PTPRK: variants seen among roughly 807,000 people sequenced by gnomAD.
PTPRK encodes receptor-type tyrosine-protein phosphatase kappa.
Under a neutral mutation model 178.0 loss-of-function variants are expected in PTPRK, and 75 were observed. That is an observed-to-expected ratio of 0.42 (90% confidence interval 0.35 to 0.51). The LOEUF (loss-of-function observed/expected upper bound fraction) is 0.51, where lower values mean the gene tolerates loss of function less well. Among genes scored for constraint, PTPRK ranks in the 20% least tolerant of loss-of-function variants. PTPRK has a pLI of 0.02. For synonymous variants in PTPRK, 637 were observed against 620.6 expected (o/e 1.03, Z -0.39); for missense variants, 1,441 against 1,797.8 (o/e 0.80, Z 3.59).
chr6:128,146,402 GTGTT>G (rs966941094), intron 7 of PTPRK, among the ~76,000 whole-genome samples: 2 of 151,164 alleles, frequency 1.3e-5, no homozygotes, highest in African/African-American at 4.9e-5. Flanking sequence ...GTTTGTGTGT[GTGTT>G]TATGTGTGTG....
At chr6:128,131,940 A>G (rs896768339) in intron 7 of PTPRK, among the ~76,000 whole-genome samples, 1 of 152,162 alleles carries the variant, frequency 6.6e-6, no homozygotes, top group African/African-American at 2.4e-5. Context: ...TAGTTTGTTT[A>G]TAAACTATTT....
At chr6:128,143,235 C>T (rs1340943823) in intron 7 of PTPRK, among the ~76,000 whole-genome samples, 2 of 152,078 alleles carry the variant, frequency 1.3e-5, no homozygotes, top group Non-Finnish European at 2.9e-5. Flanking sequence ...CCCACCCTTT[C>T]CATTCTCCCA....
At chr6:128,181,898 T>C (rs1242784578) in intron 7 of PTPRK, among the ~76,000 whole-genome samples, 1 of 152,118 alleles carries the variant, frequency 6.6e-6, no homozygotes, top group African/African-American at 2.4e-5. Flanking sequence ...ATTAATACAA[T>C]ATATACTTCC....
chr6:128,203,507 A>G (rs1214416218), intron 6 of PTPRK, among the ~76,000 whole-genome samples: 1 of 152,220 alleles, frequency 6.6e-6, no homozygotes, highest in Non-Finnish European at 1.5e-5. Flanking sequence ...TGCAGATGAC[A>G]TGATCCTATA....
At chr6:128,106,494 G>C (rs1209336187) in intron 7 of PTPRK, among the ~76,000 whole-genome samples, 2 of 151,702 alleles carry the variant, frequency 1.3e-5, no homozygotes, top group Non-Finnish European at 2.9e-5. Flanking sequence ...AAAAATGTGT[G>C]TGTAAAGCGC....
chr6:128,428,731 A>G (rs1374742255), intron 1 of PTPRK, among the ~76,000 whole-genome samples: 1 of 152,238 alleles, frequency 6.6e-6, no homozygotes, highest in Non-Finnish European at 1.5e-5. Context: ...TCCCCAACCT[A>G]TGATGGATTG....
intron 7 of PTPRK, among the ~76,000 whole-genome samples, chr6:128,167,833 C>T (rs547898728): frequency 2.2e-4 from 34 of 152,132 alleles, no homozygotes; most frequent in African/African-American, 7.7e-4. Flanking sequence ...ACTTACATGC[C>T]TTCCTCAAAT....
chr6:128,187,501 A>G (rs1388521922), intron 6 of PTPRK, among the ~76,000 whole-genome samples: 1 of 152,172 alleles, frequency 6.6e-6, no homozygotes, highest in Non-Finnish European at 1.5e-5. Flanking sequence ...TTGAAGACTC[A>G]ACTCCTACAT....
chr6:128,359,240 C>G (rs915991869), intron 2 of PTPRK, among the ~76,000 whole-genome samples: 1 of 150,322 alleles, frequency 6.7e-6, no homozygotes, highest in Non-Finnish European at 1.5e-5. Context: ...CACCTGAGGT[C>G]AGGAGTTCAA....
rs913648919 is a variant in PTPRK at position 128,145,698 on chromosome 6, A to G, written c.1162+38734T>C. On this transcript the variant is annotated intron_variant, in intron 7 of 29. Coordinates refer to ENST00000368226, the MANE Select transcript of PTPRK (RefSeq NM_002844.4). ...AAAAAGATTACTTACTAAAAAAATT[A>G]ACCATAAGCTTTTTCAGATTATATT... 3.3e-5 allele frequency among the ~76,000 whole-genome samples: 5 copies of G among 152,162 alleles called. No individual in the cohort carries two copies. The East Asian group carries it at 9.6e-4, about 29-fold the overall frequency.
chr6:128,179,689 A>G (rs1229315490), intron 7 of PTPRK, among the ~76,000 whole-genome samples: 1 of 151,992 alleles, frequency 6.6e-6, no homozygotes, highest in Non-Finnish European at 1.5e-5. Flanking sequence ...TTCAACCTCT[A>G]GGCTGAGTGT....
At chr6:127,992,642 T>A in intron 19 of PTPRK, 31 bp downstream of exon 19, 16 of 1,567,336 alleles carry the variant, frequency 1.0e-5, no homozygotes, top group Non-Finnish European at 1.4e-5. Context: ...AGTTTGTTTT[T>A]TCTATAACAT....
intron 6 of PTPRK, among the ~76,000 whole-genome samples, chr6:128,196,987 A>C (rs1303961179): frequency 6.6e-6 from 1 of 152,132 alleles, no homozygotes; most frequent in Non-Finnish European, 1.5e-5. Context: ...AGACGAATAA[A>C]GAATTGAGAA....
intron 13 of PTPRK, among the ~76,000 whole-genome samples, chr6:128,031,441 T>C (rs1467304625): frequency 6.6e-6 from 1 of 152,244 alleles, no homozygotes; most frequent in African/African-American, 2.4e-5. Flanking sequence ...ATATAAATGC[T>C]GCAGAGTAAT....
rs186688339 is a variant in PTPRK at position 128,135,011 on chromosome 6, C to T, written c.1163-45019G>A. On this transcript the variant is annotated intron_variant, in intron 7 of 29. Transcript: ENST00000368226. ...TCCACTATTGCAAGAATTTCCGGCA[C>T]GCCCTGCAGATTTCAGACTTATCAG... Among the ~76,000 whole-genome samples the T allele has an allele frequency of 1.7e-3, 264 of 151,884 alleles. 1 individual carries two copies. Among genetic ancestry groups the T allele is most frequent in the African/African-American group, 6.0e-3 (249 of 41,398 alleles).
At position 128,127,828 on chromosome 6, in the gene PTPRK, G is replaced by A. The variant is rs1166476545; in HGVS notation, c.1163-37836C>T. On this transcript the variant is annotated intron_variant, in intron 7 of 29. Coordinates refer to ENST00000368226, the MANE Select transcript of PTPRK (RefSeq NM_002844.4). ...ACTCTTTGCCTGGTAAGCATGGTAA[G>A]CAGCAGTTAAATTTTCTTAATGACT... 4.6e-5 allele frequency among the ~76,000 whole-genome samples: 7 copies of A among 152,198 alleles called. No individual in the cohort carries two copies. In the East Asian group the frequency reaches 1.3e-3, roughly 29 times the overall value.
At position 128,219,310 on chromosome 6, in the gene PTPRK, A is replaced by G. The variant is rs114986082; in HGVS notation, c.694-214T>C. Among the ~76,000 whole-genome samples the G allele has an allele frequency of 9.5e-3, 1,454 of 152,306 alleles. 10 individuals are homozygous for G. The highest frequency in any genetic ancestry group is 0.02 in the Middle Eastern group (6 of 294). ...TCGGCACAAAAGACCAGTTTCCTGG[A>G]AGACAATTTTTCTATGGAACAATGA... On this transcript the variant is annotated intron_variant, in intron 5 of 29. Transcript: ENST00000368226.
chr6:128,360,444 G>C, intron 2 of PTPRK, among the ~76,000 whole-genome samples: 1 of 152,054 alleles, frequency 6.6e-6, no homozygotes, highest in East Asian at 1.9e-4. Context: ...ATCAACTAGA[G>C]CCAAAAAGTA....
intron 1 of PTPRK, among the ~76,000 whole-genome samples, chr6:128,472,326 C>T (rs148855126): frequency 6.6e-6 from 1 of 151,890 alleles, no homozygotes; most frequent in Non-Finnish European, 1.5e-5. Context: ...GAGCTACATG[C>T]GGCAAGTGGG....
Sources: allele counts gnomAD v4.1 joint callset (sites outside exome capture counted in the v4.1 genomes callset), GRCh38; gene constraint gnomAD v4.1.1; transcripts MANE v1.5; gene names NCBI Gene and HGNC (gene_info 2026-07-23, HGNC 2026-07-21).